The following PPARGC1A variants were observed in gnomAD, a reference collection of about 807,000 sequenced individuals.
PPARGC1A encodes PPARG coactivator 1 alpha.
PPARGC1A carries 25 observed loss-of-function variants against 88.7 expected under a neutral mutation model. The observed-to-expected ratio is 0.28, with a 90% CI of 0.21 to 0.39. PPARGC1A has a LOEUF of 0.39. Among genes scored for constraint, PPARGC1A ranks in the 10% least tolerant of loss-of-function variants. The probability of loss-of-function intolerance (pLI) is 1.00; values close to 1 mark genes in which losing one functional copy is unlikely to be tolerated. For synonymous variants in PPARGC1A, 363 were observed against 355.6 expected, an observed-to-expected ratio of 1.02 and a Z score of -0.24; for missense variants, 880 against 968.7, an observed-to-expected ratio of 0.91 and a Z score of 1.22.
the PPARGC1A span, among the ~76,000 whole-genome samples, chr4:24,417,834 G>A: frequency 3.3e-5 from 5 of 152,132 alleles, no homozygotes; most frequent in South Asian, 6.2e-4. Context: ...AAGGAAAGAT[G>A]AGTGGTTGCA....
intron 10 of PPARGC1A, among the ~76,000 whole-genome samples, chr4:23,809,943 C>A (rs968605265): frequency 3.3e-5 from 5 of 152,046 alleles, no homozygotes; most frequent in African/African-American, 1.2e-4. Flanking sequence ...ACAGATGCAC[C>A]CCTTATAATA....
chr4:24,073,445 C>T, the PPARGC1A span, among the ~76,000 whole-genome samples: 7 of 152,208 alleles, frequency 4.6e-5, no homozygotes, highest in Non-Finnish European at 8.8e-5. Context: ...TTCATGTGCA[C>T]AAGCACTGTT....
the PPARGC1A span, among the ~76,000 whole-genome samples, chr4:24,055,348 G>C: frequency 6.6e-6 from 1 of 152,200 alleles, no homozygotes; most frequent in Non-Finnish European, 1.5e-5. Context: ...TCTGGATCCT[G>C]ATGAAACATG....
intron 1 of PPARGC1A, among the ~76,000 whole-genome samples, chr4:23,897,382 G>A (rs1400403567): frequency 6.6e-6 from 1 of 152,142 alleles, no homozygotes; most frequent in East Asian, 1.9e-4. Flanking sequence ...AGAAGAACAT[G>A]GCCCTCATTC....
At chr4:23,873,190 T>A (rs1483660202) in intron 2 of PPARGC1A, among the ~76,000 whole-genome samples, 1 of 96,690 alleles carries the variant, frequency 1.0e-5, no homozygotes. Flanking sequence ...AGAGCGAGAC[T>A]CCGTCTCAAA....
At chr4:24,114,599 C>T in the PPARGC1A span, among the ~76,000 whole-genome samples, 1 of 152,146 alleles carries the variant, frequency 6.6e-6, no homozygotes, top group Non-Finnish European at 1.5e-5. Context: ...TCACAGCCTC[C>T]CGGCATGCCT....
At chr4:24,405,089 T>C in the PPARGC1A span, among the ~76,000 whole-genome samples, 1 of 152,046 alleles carries the variant, frequency 6.6e-6, no homozygotes, top group African/African-American at 2.4e-5. Context: ...ATAAAATAAG[T>C]TATTCAAAAA....
chr4:24,393,488 T>C, the PPARGC1A span, among the ~76,000 whole-genome samples: 6 of 152,162 alleles, frequency 3.9e-5, no homozygotes, highest in Non-Finnish European at 5.9e-5. Context: ...TGCATGGTAA[T>C]AGTATTAAAT....
chr4:24,180,304 A>G, the PPARGC1A span, among the ~76,000 whole-genome samples: 1 of 152,188 alleles, frequency 6.6e-6, no homozygotes, highest in Non-Finnish European at 1.5e-5. Context: ...ATTCAAGTTG[A>G]CTCACATTTT....
At chr4:23,806,729 T>C (rs915537802) in intron 10 of PPARGC1A, among the ~76,000 whole-genome samples, 1 of 152,198 alleles carries the variant, frequency 6.6e-6, no homozygotes, top group Non-Finnish European at 1.5e-5. Context: ...AGAAACTGAC[T>C]GAATTAACTG....
the PPARGC1A span, among the ~76,000 whole-genome samples, chr4:24,109,986 G>A: frequency 1.3e-5 from 2 of 152,090 alleles, no homozygotes; most frequent in African/African-American, 2.4e-5. Context: ...GAGGGGAGGA[G>A]GAACCCCCAG....
the PPARGC1A span, among the ~76,000 whole-genome samples, chr4:23,982,876 T>G: frequency 6.6e-6 from 1 of 151,750 alleles, no homozygotes; most frequent in South Asian, 2.1e-4. Context: ...TATTATTATC[T>G]TTAACGAAGT....
chr4:24,286,572 A>G, the PPARGC1A span, among the ~76,000 whole-genome samples: 2 of 152,176 alleles, frequency 1.3e-5, no homozygotes, highest in African/African-American at 2.4e-5. Context: ...TCCAAGCCCA[A>G]GGACCAGCCA....
the PPARGC1A span, among the ~76,000 whole-genome samples, chr4:24,291,533 C>G: frequency 3.6e-3 from 549 of 152,260 alleles, 4 homozygotes; most frequent in African/African-American, 0.012. Context: ...TTAATCTTCA[C>G]GAAAATCCCA....
chr4:24,221,165 G>C, the PPARGC1A span, among the ~76,000 whole-genome samples: 8 of 152,282 alleles, frequency 5.3e-5, no homozygotes, highest in South Asian at 2.1e-4. Flanking sequence ...TGGGGAAAGA[G>C]AAACAAGAAA....
At chr4:24,347,826 TTTG>T in the PPARGC1A span, among the ~76,000 whole-genome samples, 1 of 152,174 alleles carries the variant, frequency 6.6e-6, no homozygotes, top group Non-Finnish European at 1.5e-5. Flanking sequence ...CTTCGGTTTT[TTTG>T]TTATTTTGTT....
chr4:23,920,833 A>G, the PPARGC1A span, among the ~76,000 whole-genome samples: 1 of 152,162 alleles, frequency 6.6e-6, no homozygotes, highest in Non-Finnish European at 1.5e-5. Flanking sequence ...TCAGGTTCCT[A>G]TTTGGAAGTA....
the PPARGC1A span, among the ~76,000 whole-genome samples, chr4:24,468,503 CCT>C: frequency 6.6e-6 from 1 of 152,034 alleles, no homozygotes; most frequent in Admixed American, 6.6e-5. Flanking sequence ...GCAACATGGT[CCT>C]CTCAGATATA....
chr4:23,980,287 AG>A, the PPARGC1A span, among the ~76,000 whole-genome samples: 1 of 151,670 alleles, frequency 6.6e-6, no homozygotes, highest in African/African-American at 2.4e-5. Flanking sequence ...AAACATCTTC[AG>A]TAGCTCCCTT....
Sources: gnomAD v4.1 joint callset for allele counts (sites outside exome capture counted in the v4.1 genomes callset) on GRCh38, gnomAD v4.1.1 for gene constraint, MANE v1.5 for transcripts, NCBI Gene and HGNC (gene_info 2026-07-23, HGNC 2026-07-21) for gene names.